GNPDA2: variants seen among roughly 807,000 people sequenced by gnomAD.
GNPDA2 encodes glucosamine-6-phosphate deaminase 2, also known as glcN6P deaminase 2.
GNPDA2 carries 24 observed loss-of-function variants against 27.0 expected under a neutral mutation model. That is an observed-to-expected ratio of 0.89 (90% CI 0.64 to 1.25). The LOEUF is 1.25. GNPDA2 is among the 50% of genes most tolerant of loss of function. GNPDA2 has a pLI of 0.00. For synonymous variants in GNPDA2, 94 were observed against 108.4 expected, an observed-to-expected ratio of 0.87 and a Z score of 0.83; for missense variants, 286 against 335.1, an observed-to-expected ratio of 0.85 and a Z score of 1.14.
chr4:44,723,197 A>G (rs1424225631), intron 1 of GNPDA2, among the ~76,000 whole-genome samples: 3 of 152,190 alleles, frequency 2.0e-5, no homozygotes, highest in Admixed American at 1.3e-4. Context: ...GGAAATCAGC[A>G]TTCTTACAGT....
At chr4:44,725,676 C>A (rs1420399868) in intron 1 of GNPDA2, among the ~76,000 whole-genome samples, 3 of 152,174 alleles carry the variant, frequency 2.0e-5, no homozygotes, top group Admixed American at 6.5e-5. Flanking sequence ...AATTTCTTCA[C>A]CACATTTAAG....
chr4:44,718,871 G>A (rs951065786), intron 2 of GNPDA2, among the ~76,000 whole-genome samples: 1 of 152,030 alleles, frequency 6.6e-6, no homozygotes, highest in South Asian at 2.1e-4. Flanking sequence ...TCTCCAACTG[G>A]CAAACACTGA....
At position 44,703,004 on chromosome 4, in the gene GNPDA2, T is replaced by C; in HGVS notation, c.*77A>G. On this transcript the variant is annotated 3_prime_UTR_variant, in exon 7 of 7. Coordinates refer to ENST00000295448, the MANE Select transcript of GNPDA2 (RefSeq NM_138335.3). Reference sequence around the variant, plus strand: ...TCAAAATTCCCCATGTTTTGTCATATTGCATAGCTGAAAATTCATCTACTA... The same window carrying C: ...TCAAAATTCCCCATGTTTTGTCATACTGCATAGCTGAAAATTCATCTACTA... 2.5e-6 allele frequency: 4 copies of C among 1,588,304 alleles called. No individual in the cohort carries two copies. Among genetic ancestry groups the C allele is most frequent in the Non-Finnish European group, 2.6e-6 (3 of 1,172,614 alleles).
chr4:44,707,491 A>G, intron 6 of GNPDA2: 1 of 436,460 alleles, frequency 2.3e-6, no homozygotes, highest in Non-Finnish European at 4.0e-6. Flanking sequence ...TATGAAAGTA[A>G]ATTATTAAAC....
chr4:44,703,648 G>T lies in GNPDA2; in HGVS notation c.770-506C>A, dbSNP rs570446011. 3.0e-6 allele frequency: 3 copies of T among 983,834 alleles called. No individual in the cohort carries two copies. The East Asian group carries it at 3.4e-4, about 112-fold the overall frequency. The allele number at this position is 983,834 out of a possible 1,614,324, so 60.9% of individuals were successfully genotyped here. Reference sequence around the variant, plus strand: ...AAAGGTTGATTACAAATTCTACACTGAGGGAGGGTTACTAAAACAAGACAG... The same window carrying T: ...AAAGGTTGATTACAAATTCTACACTTAGGGAGGGTTACTAAAACAAGACAG... On this transcript the variant is annotated intron_variant, in intron 6 of 6. Coordinates refer to ENST00000295448, the MANE Select transcript of GNPDA2 (RefSeq NM_138335.3).
chr4:44,722,362 A>G (rs1053758357), intron 1 of GNPDA2, 120 bp from the exon 2 acceptor site: 4 of 684,660 alleles, frequency 5.8e-6, no homozygotes, highest in African/African-American at 5.4e-5. Context: ...ATGATTTTTA[A>G]AAGTACATTA....
intron 2 of GNPDA2, 28 bp downstream of exon 2, chr4:44,722,056 A>G (rs1426876140): frequency 6.6e-7 from 1 of 1,520,220 alleles, no homozygotes; most frequent in Non-Finnish European, 9.1e-7. Context: ...TAATATCAGA[A>G]TATAAAATGG....
intron 6 of GNPDA2, 114 bp from the exon 7 acceptor site, chr4:44,703,256 T>C (rs1716384731): frequency 7.0e-7 from 1 of 1,437,128 alleles, no homozygotes; most frequent in South Asian, 1.5e-5. Flanking sequence ...AGTTCCCATC[T>C]TGATATAGTC....
intron 4 of GNPDA2, chr4:44,714,249 A>G: frequency 1.0e-6 from 1 of 961,244 alleles, no homozygotes; most frequent in Non-Finnish European, 1.2e-6. Context: ...TGCTGGGATT[A>G]TAGGTGTGAG....
At chr4:44,718,735 T>C (rs1357490530) in intron 2 of GNPDA2, among the ~76,000 whole-genome samples, 1 of 151,852 alleles carries the variant, frequency 6.6e-6, no homozygotes, top group Non-Finnish European at 1.5e-5. Context: ...AAATCTCCCT[T>C]TCTGAAAAAA....
intron 6 of GNPDA2, 26 bp from the exon 7 acceptor site, chr4:44,703,168 GT>G (rs760643491): frequency 1.8e-5 from 28 of 1,592,680 alleles, no homozygotes; most frequent in Non-Finnish European, 2.3e-5. Context: ...CACAGTTCTA[GT>G]TGTTTTTATT....
At position 44,717,366 on chromosome 4, in the gene GNPDA2, A is replaced by T. The variant is rs113981189; in HGVS notation, c.227-71T>A. ...TAAAGTTTATTTTTCTTTTTAAGTC[A>T]TAAGTGCTATTTAATAAATCTAACT... On this transcript the variant is annotated intron_variant, in intron 3 of 6. Transcript: ENST00000295448. 9.8e-6 allele frequency: 8 copies of T among 818,026 alleles called. No individual in the cohort carries two copies. In the African/African-American group the frequency reaches 1.4e-4, roughly 14 times the overall value. 50.7% of individuals were successfully genotyped at this position (818,026 alleles called of 1,614,324 possible).
chr4:44,704,122 CAA>C (rs2109688779), intron 6 of GNPDA2: 2 of 985,006 alleles, frequency 2.0e-6, no homozygotes, highest in Non-Finnish European at 1.2e-6. Context: ...AAGGGACAAG[CAA>C]AGAGTACTGG....
chr4:44,711,417 AAC>A (rs939753636), intron 4 of GNPDA2, among the ~76,000 whole-genome samples: 3 of 152,288 alleles, frequency 2.0e-5, no homozygotes, highest in African/African-American at 7.2e-5. Flanking sequence ...GCATCATCAC[AAC>A]AGATTATCAA....
Position 44,703,046 on chromosome 4 carries a change from C to A in GNPDA2, c.*35G>T, listed in dbSNP as rs527613677. ...CATCTACTACTTAGTAAAAAGTGCTCTGTTCATTCAAGCTGAATTTTGCTC... is the reference window on the plus strand; with the variant it reads ...CATCTACTACTTAGTAAAAAGTGCTATGTTCATTCAAGCTGAATTTTGCTC... On this transcript the variant is annotated 3_prime_UTR_variant, in exon 7 of 7. Coordinates refer to ENST00000295448, the MANE Select transcript of GNPDA2 (RefSeq NM_138335.3). 1 of 1,607,970 alleles carries A rather than the reference C, an allele frequency of 6.2e-7. No homozygotes were observed. The highest frequency in any genetic ancestry group is 8.5e-7 in the Non-Finnish European group (1 of 1,178,020).
At chr4:44,720,612 G>A (rs1271742884) in intron 2 of GNPDA2, among the ~76,000 whole-genome samples, 1 of 152,106 alleles carries the variant, frequency 6.6e-6, no homozygotes, top group Admixed American at 6.6e-5. Context: ...AATTGCGCTT[G>A]ATAGGGAGAT....
Position 44,703,200 on chromosome 4 carries a change from AC to A in GNPDA2, c.770-59del, listed in dbSNP as rs2109687161. ...TTATTAATTTTGAACTATCTCATTT[AC>A]TTTAGACAACAAAGTATTTTTTATA... On this transcript the variant is annotated intron_variant, in intron 6 of 6. Transcript: ENST00000295448. 3 of 1,561,008 alleles carry A rather than the reference AC, an allele frequency of 1.9e-6. No homozygotes were observed. The Admixed American group carries it at 6.2e-5, about 32-fold the overall frequency.
intron 6 of GNPDA2, chr4:44,704,349 G>C (rs747799411): frequency 1.0e-6 from 1 of 954,068 alleles, no homozygotes; most frequent in Non-Finnish European, 1.2e-6. Context: ...GTATCACTTT[G>C]TAGAGGATCG....
intron 1 of GNPDA2, among the ~76,000 whole-genome samples, chr4:44,725,044 A>T (rs1464875847): frequency 6.6e-6 from 1 of 152,230 alleles, no homozygotes; most frequent in African/African-American, 2.4e-5. Flanking sequence ...AAAAAAAATA[A>T]GGTAAGGAGG....
Sources: allele counts gnomAD v4.1 joint callset (sites outside exome capture counted in the v4.1 genomes callset), GRCh38; gene constraint gnomAD v4.1.1; transcripts MANE v1.5; gene names NCBI Gene and HGNC (gene_info 2026-07-23, HGNC 2026-07-21).